The following GSK3B variants were observed in gnomAD, a reference collection of about 807,000 sequenced individuals.
The protein encoded by GSK3B is glycogen synthase kinase-3 beta.
A neutral mutation model predicts 56.4 loss-of-function variants in GSK3B; 15 were observed. The ratio of observed to expected loss-of-function variants is 0.27; its 90% CI spans 0.18 to 0.41. GSK3B has a LOEUF of 0.41. Ranked by LOEUF, GSK3B falls within the 10% of genes least tolerant of loss-of-function variation. The pLI is 1.00. For synonymous variants in GSK3B, 181 were observed against 188.9 expected (o/e 0.96, Z 0.34); for missense variants, 300 against 513.4 (o/e 0.58, Z 4.02).
In GSK3B at chr3:120,090,012, C is replaced by G. The variant is rs140875031; in HGVS notation, c.88+3335G>C. Among the ~76,000 whole-genome samples the G allele has an allele frequency of 2.8e-4, 43 of 152,022 alleles. 1 individual carries two copies. Among genetic ancestry groups the G allele is most frequent in the Non-Finnish European group, 3.7e-4 (25 of 67,908 alleles). Reference sequence around the variant, plus strand: ...CTGGAGTCTTCACAAAGTGAAGGCTCTCAATACTTTATTCTTAGATAAATT... The same window carrying G: ...CTGGAGTCTTCACAAAGTGAAGGCTGTCAATACTTTATTCTTAGATAAATT... On this transcript the variant is annotated intron_variant, in intron 1 of 10. Coordinates refer to ENST00000264235, the MANE Select transcript of GSK3B (RefSeq NM_001146156.2).
chr3:119,996,051 A>G (rs1261248407), intron 2 of GSK3B, among the ~76,000 whole-genome samples: 1 of 152,242 alleles, frequency 6.6e-6, no homozygotes, highest in Non-Finnish European at 1.5e-5. Context: ...GCCTGAAATT[A>G]TATCAAAATA....
At chr3:119,961,749 AAT>A (rs984504845) in intron 2 of GSK3B, among the ~76,000 whole-genome samples, 57 of 152,318 alleles carry the variant, frequency 3.7e-4, no homozygotes, top group African/African-American at 1.3e-3. Context: ...AAAGTTATAA[AAT>A]CAGTCACTGA....
intron 2 of GSK3B, among the ~76,000 whole-genome samples, chr3:119,989,726 G>A (rs1257131668): frequency 6.6e-6 from 1 of 151,814 alleles, no homozygotes; most frequent in Non-Finnish European, 1.5e-5. Flanking sequence ...CAAAATCATA[G>A]CATGTGTCAT....
chr3:119,957,576 ATATTAT>A (rs1327137957), intron 2 of GSK3B, among the ~76,000 whole-genome samples: 6 of 152,370 alleles, frequency 3.9e-5, no homozygotes, highest in East Asian at 1.9e-4. Context: ...ACACAACAGC[ATATTAT>A]TATTAACAAT....
rs549667969 is a variant in GSK3B, at chr3:119,860,416, G to A, written c.1096+3003C>T. Among the ~76,000 whole-genome samples the A allele has an allele frequency of 1.6e-4, 24 of 152,228 alleles. No homozygotes were observed. In the South Asian group the frequency reaches 3.1e-3, roughly 20 times the overall value. The stretch of plus-strand genomic sequence containing the variant: ...CTGGAACACTGAAGCTTCAGTGCTG[G>A]AAAAATGAGAGGTCTGATATTCTCC... On this transcript the variant is annotated intron_variant, in intron 9 of 10. Transcript: ENST00000264235.
At chr3:120,045,271 T>A (rs1227702703) in intron 1 of GSK3B, among the ~76,000 whole-genome samples, 1 of 152,186 alleles carries the variant, frequency 6.6e-6, no homozygotes. Flanking sequence ...CTTCAAAGGT[T>A]CAGCCTGTTA....
intron 9 of GSK3B, among the ~76,000 whole-genome samples, chr3:119,844,403 T>C (rs2055826049): frequency 6.6e-6 from 1 of 151,532 alleles, no homozygotes; most frequent in Non-Finnish European, 1.5e-5. Flanking sequence ...AGCTGGTTTT[T>C]TGAAAAGATT....
intron 2 of GSK3B, among the ~76,000 whole-genome samples, chr3:119,955,272 T>G: frequency 6.6e-6 from 1 of 151,852 alleles, no homozygotes; most frequent in African/African-American, 2.4e-5. Context: ...TAACCCCATT[T>G]GCACAAGTAT....
intron 8 of GSK3B, among the ~76,000 whole-genome samples, chr3:119,869,116 C>T (rs1343512978): frequency 2.1e-5 from 3 of 142,644 alleles, no homozygotes; most frequent in Admixed American, 7.3e-5. Context: ...CCCAGCTACT[C>T]GGGAGGCTGA....
At chr3:120,031,958 T>C (rs1346627351) in intron 1 of GSK3B, among the ~76,000 whole-genome samples, 1 of 152,228 alleles carries the variant, frequency 6.6e-6, no homozygotes. Context: ...CTCCTCCCTC[T>C]GGATTAACAC....
intron 10 of GSK3B, among the ~76,000 whole-genome samples, chr3:119,830,566 G>A (rs2055582947): frequency 6.6e-6 from 1 of 152,168 alleles, no homozygotes; most frequent in Admixed American, 6.5e-5. Flanking sequence ...CACTGGTAAA[G>A]TGACGCTAAA....
intron 6 of GSK3B, among the ~76,000 whole-genome samples, chr3:119,906,543 C>T (rs2056684412): frequency 6.6e-6 from 1 of 151,960 alleles, no homozygotes. Context: ...CTGGTTTACC[C>T]AGGATAGTTA....
At chr3:119,930,028 G>T (rs13064921) in intron 3 of GSK3B, among the ~76,000 whole-genome samples, 10 of 151,006 alleles carry the variant, frequency 6.6e-5, no homozygotes, top group Admixed American at 1.3e-4. Context: ...CTAGTGAGCC[G>T]TGATGGCACC....
intron 6 of GSK3B, among the ~76,000 whole-genome samples, chr3:119,909,479 T>C (rs1250580460): frequency 6.6e-6 from 1 of 152,254 alleles, no homozygotes; most frequent in Non-Finnish European, 1.5e-5. Context: ...AGTTGCTCCT[T>C]GTTTGTTAGC....
intron 1 of GSK3B, among the ~76,000 whole-genome samples, chr3:120,026,547 AC>A (rs2057928040): frequency 7.1e-6 from 1 of 140,368 alleles, no homozygotes; most frequent in South Asian, 2.2e-4. Flanking sequence ...ACACACACAC[AC>A]ACACAAACAC....
intron 10 of GSK3B, among the ~76,000 whole-genome samples, chr3:119,831,234 G>T (rs1279682652): frequency 6.6e-6 from 1 of 152,108 alleles, no homozygotes; most frequent in Non-Finnish European, 1.5e-5. Flanking sequence ...GGCAGTAGGT[G>T]GCAGCAGAAA....
In GSK3B at chr3:119,843,358, A is replaced by G. The variant is rs1385241814; in HGVS notation, c.1097-5T>C. The G allele has an allele frequency of 2.0e-6, 3 of 1,506,952 alleles. No individual in the cohort carries two copies. The highest frequency in any genetic ancestry group is 2.8e-6 in the Non-Finnish European group (3 of 1,084,004). 93.3% of individuals were successfully genotyped at this position (1,506,952 alleles called of 1,614,324 possible). ...GAGGTGGATTACTTGACAGTTCTATAGAAGGTTAAGACACAAATGTTAGAG... is the reference window on the plus strand; with the variant it reads ...GAGGTGGATTACTTGACAGTTCTATGGAAGGTTAAGACACAAATGTTAGAG... On this transcript the variant is annotated splice_region_variant and splice_polypyrimidine_tract_variant and intron_variant, in intron 9 of 10. Coordinates refer to ENST00000264235, the MANE Select transcript of GSK3B (RefSeq NM_001146156.2).
At chr3:119,836,433 AG>A (rs1308587039) in intron 10 of GSK3B, among the ~76,000 whole-genome samples, 1 of 152,176 alleles carries the variant, frequency 6.6e-6, no homozygotes, top group Non-Finnish European at 1.5e-5. Flanking sequence ...ATGTGCCCCA[AG>A]GAAGGTGAGG....
chr3:119,934,778 C>T (rs1467417983), intron 3 of GSK3B, among the ~76,000 whole-genome samples: 1 of 152,108 alleles, frequency 6.6e-6, no homozygotes, highest in Admixed American at 6.5e-5. Flanking sequence ...TTCCAAAATA[C>T]ATATGTTATT....
Sources: gnomAD v4.1 joint callset for allele counts (sites outside exome capture counted in the v4.1 genomes callset) on GRCh38, gnomAD v4.1.1 for gene constraint, MANE v1.5 for transcripts, NCBI Gene and HGNC (gene_info 2026-07-23, HGNC 2026-07-21) for gene names.